Variants in GRM8 observed in about 807,000 individuals in gnomAD.
GRM8 encodes metabotropic glutamate receptor 8.
GRM8 carries 47 observed loss-of-function variants against 87.2 expected under a neutral mutation model. The ratio of observed to expected loss-of-function variants is 0.54; its 90% CI spans 0.43 to 0.69. The LOEUF (loss-of-function observed/expected upper bound fraction) is 0.69. GRM8 is among the 30% of genes least tolerant of loss of function. GRM8 has a pLI of 0.00. For synonymous variants in GRM8, 396 were observed against 404.5 expected, an observed-to-expected ratio of 0.98 and a Z score of 0.25; for missense variants, 1,019 against 1,139.2, an observed-to-expected ratio of 0.89 and a Z score of 1.52.
At chr7:126,655,835 A>G (rs887518402) in intron 7 of GRM8, among the ~76,000 whole-genome samples, 1 of 152,220 alleles carries the variant, frequency 6.6e-6, no homozygotes, top group Admixed American at 6.5e-5. Flanking sequence ...CCCAAGGTAG[A>G]TACATTTCCA....
intron 9 of GRM8, among the ~76,000 whole-genome samples, chr7:126,489,847 T>G (rs2150634141): frequency 6.6e-6 from 1 of 152,124 alleles, no homozygotes; most frequent in East Asian, 2.0e-4. Flanking sequence ...CTTCACCAAC[T>G]TAGGTGGACA....
At chr7:127,036,405 A>G (rs1220797056) in intron 3 of GRM8, among the ~76,000 whole-genome samples, 2 of 152,182 alleles carry the variant, frequency 1.3e-5, no homozygotes, top group Non-Finnish European at 2.9e-5. Context: ...GACTGTTAAC[A>G]CAGAATCCAC....
At chr7:126,577,168 G>A (rs965795753) in intron 8 of GRM8, among the ~76,000 whole-genome samples, 1 of 152,206 alleles carries the variant, frequency 6.6e-6, no homozygotes, top group Non-Finnish European at 1.5e-5. Flanking sequence ...AGTCAGGAGA[G>A]CAGAGGTTTA....
chr7:126,718,597 C>A (rs1812020263), intron 7 of GRM8, among the ~76,000 whole-genome samples: 1 of 152,172 alleles, frequency 6.6e-6, no homozygotes, highest in Non-Finnish European at 1.5e-5. Flanking sequence ...AACTGAGAGT[C>A]AAAGGTAGAT....
chr7:127,202,081 A>C (rs547750467), intron 2 of GRM8, among the ~76,000 whole-genome samples: 1 of 152,284 alleles, frequency 6.6e-6, no homozygotes, highest in South Asian at 2.1e-4. Flanking sequence ...TTGGATTTAG[A>C]ATGTACATGT....
chr7:126,750,485 A>C (rs1816296848), intron 7 of GRM8, among the ~76,000 whole-genome samples: 1 of 152,090 alleles, frequency 6.6e-6, no homozygotes, highest in Admixed American at 6.6e-5. Context: ...ATTTTACCTC[A>C]ATTAAGCCGA....
intron 9 of GRM8, among the ~76,000 whole-genome samples, chr7:126,454,788 GGCCATCTACAA>G (rs1803041956): frequency 6.6e-6 from 1 of 151,620 alleles, no homozygotes; most frequent in Non-Finnish European, 1.5e-5. Context: ...GGGAAAAGAT[GGCCATCTACAA>G]GCCATAAGCC....
intron 8 of GRM8, among the ~76,000 whole-genome samples, chr7:126,591,230 T>C (rs1331218636): frequency 6.6e-6 from 1 of 152,098 alleles, no homozygotes; most frequent in Non-Finnish European, 1.5e-5. Flanking sequence ...ATAGTCATTC[T>C]TACATCAGAC....
intron 2 of GRM8, among the ~76,000 whole-genome samples, chr7:127,216,322 T>TCCTGGC: frequency 6.6e-6 from 1 of 151,932 alleles, no homozygotes; most frequent in African/African-American, 2.4e-5. Context: ...ATTCAGACCA[T>TCCTGGC]TCCAGCCAGC....
intron 7 of GRM8, among the ~76,000 whole-genome samples, chr7:126,649,912 G>A (rs1815971): frequency 0.31 from 46,567 of 151,916 alleles, 7,965 homozygotes; most frequent in East Asian, 0.43. Context: ...GAGAAGATAC[G>A]GATTGTATTT....
intron 7 of GRM8, among the ~76,000 whole-genome samples, chr7:126,644,455 C>T (rs765663029): frequency 6.6e-6 from 1 of 152,144 alleles, no homozygotes; most frequent in African/African-American, 2.4e-5. Context: ...AGAAATGATA[C>T]ATCCCCAAGG....
intron 7 of GRM8, among the ~76,000 whole-genome samples, chr7:126,666,752 T>TA (rs1805820799): frequency 6.6e-6 from 1 of 152,192 alleles, no homozygotes; most frequent in African/African-American, 2.4e-5. Flanking sequence ...TCTGCAGTTT[T>TA]AAAATCCAAA....
At position 126,459,423 on chromosome 7, in the gene GRM8, T is replaced by C. The variant is rs73722614; in HGVS notation, c.2431-13051A>G. On this transcript the variant is annotated intron_variant, in intron 9 of 10. Transcript: ENST00000339582. ...AACAAGGAAAGTATTCACCCCCAGC[T>C]CCTATGCTGTTCCCCTACCTCTCAT... Among the ~76,000 whole-genome samples the C allele has an allele frequency of 6.1e-3, 920 of 151,396 alleles. 9 individuals are homozygous for C. Among genetic ancestry groups the C allele is most frequent in the African/African-American group, 0.021 (887 of 41,388 alleles).
chr7:127,004,223 C>T (rs1020929481), intron 3 of GRM8, among the ~76,000 whole-genome samples: 1 of 151,444 alleles, frequency 6.6e-6, no homozygotes, highest in Non-Finnish European at 1.5e-5. Flanking sequence ...AATTCAATTA[C>T]TATAGCTCTA....
At chr7:126,938,994 A>G (rs1806618705) in intron 3 of GRM8, among the ~76,000 whole-genome samples, 1 of 152,134 alleles carries the variant, frequency 6.6e-6, no homozygotes, top group African/African-American at 2.4e-5. Flanking sequence ...AAATGAGATA[A>G]TGTACAAAGC....
At chr7:127,110,475 T>A (rs1360721227) in intron 2 of GRM8, among the ~76,000 whole-genome samples, 1 of 152,222 alleles carries the variant, frequency 6.6e-6, no homozygotes, top group Admixed American at 6.5e-5. Context: ...CATTTTGCTT[T>A]CCTTCATTTC....
intron 2 of GRM8, among the ~76,000 whole-genome samples, chr7:127,108,466 G>C (rs1051640998): frequency 3.9e-5 from 6 of 152,126 alleles, no homozygotes; most frequent in African/African-American, 1.4e-4. Context: ...GAAGGGAATA[G>C]GGGAGCATTC....
At chr7:126,912,179 A>G (rs1406083360) in intron 3 of GRM8, among the ~76,000 whole-genome samples, 3 of 151,212 alleles carry the variant, frequency 2.0e-5, no homozygotes, top group African/African-American at 4.9e-5. Flanking sequence ...CCTGGGCAAC[A>G]GAGCGAGACT....
At chr7:126,672,578 T>G (rs997563477) in intron 7 of GRM8, among the ~76,000 whole-genome samples, 3 of 152,180 alleles carry the variant, frequency 2.0e-5, no homozygotes, top group African/African-American at 7.2e-5. Context: ...AAAGTTAATT[T>G]TCCAAACCTT....
Sources: allele counts gnomAD v4.1 joint callset (sites outside exome capture counted in the v4.1 genomes callset), GRCh38; gene constraint gnomAD v4.1.1; transcripts MANE v1.5; gene names NCBI Gene and HGNC (gene_info 2026-07-23, HGNC 2026-07-21).